The following MAP3K10 variants were observed in gnomAD, a reference collection of about 807,000 sequenced individuals.
MAP3K10 encodes mitogen-activated protein kinase kinase kinase 10.
Under a neutral mutation model 75.0 loss-of-function variants are expected in MAP3K10, and 22 were observed. That is an observed-to-expected ratio of 0.29 (90% CI 0.21 to 0.42). MAP3K10 has a LOEUF of 0.42. MAP3K10 is among the 10% of genes least tolerant of loss of function. The pLI, the probability that MAP3K10 is intolerant of heterozygous loss-of-function variation, is 1.00. For synonymous variants in MAP3K10, 599 were observed against 612.9 expected (o/e 0.98, Z 0.34); for missense variants, 1,165 against 1,379.8 (o/e 0.84, Z 2.47).
chr19:40,207,443 AT>A (rs772170133), intron 5 of MAP3K10, among the ~76,000 whole-genome samples: 1 of 152,060 alleles, frequency 6.6e-6, no homozygotes. Context: ...CAATTTTAAT[AT>A]TTTTTATTAG....
At chr19:40,197,270 A>G (rs1568487379) in intron 1 of MAP3K10, among the ~76,000 whole-genome samples, 2 of 152,154 alleles carry the variant, frequency 1.3e-5, no homozygotes, top group African/African-American at 4.8e-5. Context: ...ATTCTTAGCC[A>G]AAGCAAGTCA....
Position 40,213,077 on chromosome 19 carries a change from C to A in MAP3K10, c.1726C>A (p.Leu576Met), listed in dbSNP as rs1258613362. The A allele has an allele frequency of 3.2e-5, 52 of 1,605,954 alleles. No homozygotes were observed. Among genetic ancestry groups the A allele is most frequent in the Non-Finnish European group, 4.3e-5 (51 of 1,176,834 alleles). Residue 576 changes from leucine (L) to methionine (M), a missense_variant and splice_region_variant, in exon 8 of 10, where the codon CTG (leucine) becomes ATG (methionine). Coordinates refer to ENST00000253055, the MANE Select transcript of MAP3K10 (RefSeq NM_002446.4). This position sits in a 1 kb window ranked among gnomAD's most constrained non-coding sequence, Gnocchi z 5.7. ...TCCATCTCTCCCTGGACCCCGCAGG[C>A]TGAAGGGGCTGGGGGAAGGAAGCAA... ...QKERVGGEER[L>M]KGLGEGSKQW...
Position 40,204,763 on chromosome 19 carries a change from C to A in MAP3K10, c.1012+130C>A. The A allele has an allele frequency of 8.6e-7, 1 of 1,160,786 alleles. No homozygotes were observed. 71.9% of individuals were successfully genotyped at this position (1,160,786 alleles called of 1,614,324 possible). A position where few individuals can be genotyped will look rare whatever the true frequency, so the allele number is the denominator to read the frequency against. ...GTGAGGAAGAAGGGGCTGGAACCCA[C>A]TGGACTCTAAACAGCCTCCCCATGG... On this transcript the variant is annotated intron_variant, in intron 3 of 9. Coordinates refer to ENST00000253055, the MANE Select transcript of MAP3K10 (RefSeq NM_002446.4). This position sits in a 1 kb window ranked among gnomAD's most constrained non-coding sequence, Gnocchi z 4.3.
Position 40,205,371 on chromosome 19 carries a change from C to T in MAP3K10, c.1188+75C>T. The T allele has an allele frequency of 2.7e-6, 4 of 1,504,588 alleles. No homozygotes were observed. The highest frequency in any genetic ancestry group is 3.7e-6 in the Non-Finnish European group (4 of 1,094,744). 93.2% of individuals were successfully genotyped at this position (1,504,588 alleles called of 1,614,324 possible). On this transcript the variant is annotated intron_variant, in intron 4 of 9. Transcript: ENST00000253055. The surrounding 1 kb of genome is among the most constrained non-coding windows in gnomAD (Gnocchi z 4.3). ...TGATGCCTTGGGCTGCTCAGAGACT[C>T]CTCCCCTGAACCCCAGCCTTTGGGT...
At chr19:40,214,659 A>G (rs1337666237) in intron 9 of MAP3K10, among the ~76,000 whole-genome samples, 5 of 152,146 alleles carry the variant, frequency 3.3e-5, no homozygotes, top group Non-Finnish European at 7.4e-5. Flanking sequence ...GAGCTAAGCC[A>G]TGCCTGAGCT....
In MAP3K10 at chr19:40,198,836, G is replaced by A. The variant is rs12985458; in HGVS notation, c.863+281G>A. On this transcript the variant is annotated intron_variant, in intron 2 of 9. Coordinates refer to ENST00000253055, the MANE Select transcript of MAP3K10 (RefSeq NM_002446.4). The surrounding 1 kb of genome is among the most constrained non-coding windows in gnomAD (Gnocchi z 4.3). Reference sequence around the variant, plus strand: ...TAATCCCAGCACTTTGGGAGGCCGAGGTGGGCGGATCACTTGAGGTCAGGA... The same window carrying A: ...TAATCCCAGCACTTTGGGAGGCCGAAGTGGGCGGATCACTTGAGGTCAGGA... Among the ~76,000 whole-genome samples, 2 of 152,272 alleles carry A rather than the reference G, an allele frequency of 1.3e-5. No individual in the cohort carries two copies. The highest frequency in any genetic ancestry group is 4.8e-5 in the African/African-American group (2 of 41,478).
In MAP3K10 at chr19:40,212,887, G is replaced by A; in HGVS notation, c.1635G>A (p.Lys545=). 1 of 1,613,268 alleles carries A rather than the reference G, an allele frequency of 6.2e-7. No homozygotes were observed. The highest frequency in any genetic ancestry group is 1.3e-5 in the African/African-American group (1 of 75,014). The stretch of plus-strand genomic sequence containing the variant: ...CATGGAGCCGCGGTGGGCCCCCAAA[G>A]AAGGAAGAACTGGTCGGGGGCAAGA... The part of the protein sequence containing the change: ...SGTWSRGGPP[K]KEELVGGKKK... Residue 545 remains lysine, a synonymous_variant, in exon 7 of 10, where the codon AAG becomes AAA. Transcript: ENST00000253055. This position sits in a 1 kb window ranked among gnomAD's most constrained non-coding sequence, Gnocchi z 4.2.
Position 40,211,206 on chromosome 19 carries a change from T to C in MAP3K10, c.1553-1599T>C, listed in dbSNP as rs115317892. On this transcript the variant is annotated intron_variant, in intron 6 of 9. Coordinates refer to ENST00000253055, the MANE Select transcript of MAP3K10 (RefSeq NM_002446.4). ...AGCATGGGCTGCTTGTTAACCTGTT[T>C]GGCTGGAGCAGAGTGAATGGGAGGA... Among the ~76,000 whole-genome samples, 371 of 152,076 alleles carry C rather than the reference T, an allele frequency of 2.4e-3. 1 individual carries two copies. Among genetic ancestry groups the C allele is most frequent in the African/African-American group, 8.1e-3 (336 of 41,486 alleles).
At chr19:40,208,345 C>CTTTCTTTTTTTTTTTTTTTT (rs1555756622) in intron 5 of MAP3K10, among the ~76,000 whole-genome samples, 2 of 55,904 alleles carry the variant, frequency 3.6e-5, no homozygotes, top group Non-Finnish European at 6.7e-5. Context: ...CTCTTTCTTT[C>CTTTCTTTTTTTTTTTTTTTT]TTTTTTTTTT....
In MAP3K10 at chr19:40,212,484, C is replaced by G. The variant is rs1489394732; in HGVS notation, c.1553-321C>G. On this transcript the variant is annotated intron_variant, in intron 6 of 9. Coordinates refer to ENST00000253055, the MANE Select transcript of MAP3K10 (RefSeq NM_002446.4). The surrounding 1 kb of genome is among the most constrained non-coding windows in gnomAD (Gnocchi z 4.2). Reference sequence around the variant, plus strand: ...AGGCAGCTGACCCCCAGGGAACTAACTACCCAGAGCTGGAGACCAGAAGCG... The same window carrying G: ...AGGCAGCTGACCCCCAGGGAACTAAGTACCCAGAGCTGGAGACCAGAAGCG... 6.6e-6 allele frequency among the ~76,000 whole-genome samples: 1 copy of G among 152,212 alleles called. No individual in the cohort carries two copies. The highest frequency in any genetic ancestry group is 1.5e-5 in the Non-Finnish European group (1 of 68,038).
At position 40,205,874 on chromosome 19, in the gene MAP3K10, T is replaced by C. The variant is rs550637548; in HGVS notation, c.1189-37T>C. 6.7e-7 allele frequency: 1 copy of C among 1,489,152 alleles called. No individual in the cohort carries two copies. Among genetic ancestry groups the C allele is most frequent in the Admixed American group, 2.3e-5 (1 of 43,538 alleles). The allele number at this position is 1,489,152 out of a possible 1,614,324, so 92.2% of individuals were successfully genotyped here. A position where few individuals can be genotyped will look rare whatever the true frequency, so the allele number is the denominator to read the frequency against. Reference sequence around the variant, plus strand: ...GTCCCTCCCCAGGAAGCAGAGCAGCTAAGCCCCTCCCCCCAGCCACCGCCT... The same window carrying C: ...GTCCCTCCCCAGGAAGCAGAGCAGCCAAGCCCCTCCCCCCAGCCACCGCCT... On this transcript the variant is annotated intron_variant, in intron 4 of 9. Coordinates refer to ENST00000253055, the MANE Select transcript of MAP3K10 (RefSeq NM_002446.4). This position sits in a 1 kb window ranked among gnomAD's most constrained non-coding sequence, Gnocchi z 4.3.
chr19:40,194,571 A>G (rs1320975677), intron 1 of MAP3K10, among the ~76,000 whole-genome samples: 1 of 152,178 alleles, frequency 6.6e-6, no homozygotes, highest in African/African-American at 2.4e-5. Flanking sequence ...AGCCAGTGCT[A>G]TCTGGTCAAA....
At position 40,198,455 on chromosome 19, in the gene MAP3K10, T is replaced by A; in HGVS notation, c.763T>A (p.Trp255Arg). ...KITDFGLARE[W>R]HKTTKMSAAG... Reference sequence around the variant, plus strand: ...CACGGACTTCGGCCTCGCCCGCGAGTGGCACAAGACCACCAAGATGAGCGC... The same window carrying A: ...CACGGACTTCGGCCTCGCCCGCGAGAGGCACAAGACCACCAAGATGAGCGC... The change falls in exon 2 of 10, where the codon TGG becomes AGG. Residue 255 changes from tryptophan to arginine, a missense_variant. By Grantham distance (101) the Trp-to-Arg change is moderately radical (BLOSUM62 -3). Transcript: ENST00000253055. The surrounding 1 kb of genome is among the most constrained non-coding windows in gnomAD (Gnocchi z 4.3). 6.2e-7 allele frequency: 1 copy of A among 1,613,838 alleles called. No individual in the cohort carries two copies. The highest frequency in any genetic ancestry group is 8.5e-7 in the Non-Finnish European group (1 of 1,179,958).
Position 40,209,324 on chromosome 19 carries a change from G to A in MAP3K10, c.1552+105G>A, listed in dbSNP as rs1443658533. 4 of 749,502 alleles carry A rather than the reference G, an allele frequency of 5.3e-6. No individual in the cohort carries two copies. The Admixed American group carries it at 7.2e-5, about 13-fold the overall frequency. 46.4% of individuals were successfully genotyped at this position (749,502 alleles called of 1,614,324 possible). On this transcript the variant is annotated intron_variant, in intron 6 of 9. Coordinates refer to ENST00000253055, the MANE Select transcript of MAP3K10 (RefSeq NM_002446.4). ...AAGCCAGAGTAACAGCAAGAAAGAA[G>A]ACAGACAAGGCCCTTTTCCTCATTC...
Position 40,205,375 on chromosome 19 carries a change from C to G in MAP3K10, c.1188+79C>G. 2 of 1,473,250 alleles carry G rather than the reference C, an allele frequency of 1.4e-6. No homozygotes were observed. The highest frequency in any genetic ancestry group is 1.9e-6 in the Non-Finnish European group (2 of 1,070,564). 91.3% of individuals were successfully genotyped at this position (1,473,250 alleles called of 1,614,324 possible). ...GCCTTGGGCTGCTCAGAGACTCCTC[C>G]CCTGAACCCCAGCCTTTGGGTCCAT... On this transcript the variant is annotated intron_variant, in intron 4 of 9. Coordinates refer to ENST00000253055, the MANE Select transcript of MAP3K10 (RefSeq NM_002446.4). The surrounding 1 kb of genome is among the most constrained non-coding windows in gnomAD (Gnocchi z 4.3).
At position 40,206,107 on chromosome 19, in the gene MAP3K10, G is replaced by C. The variant is rs2145086624; in HGVS notation, c.1385G>C (p.Ser462Thr). The C allele has an allele frequency of 6.2e-7, 1 of 1,612,628 alleles. No homozygotes were observed. Among genetic ancestry groups the C allele is most frequent in the Non-Finnish European group, 8.5e-7 (1 of 1,179,322 alleles). The change falls in exon 5 of 10, where the codon AGC becomes ACC. Residue 462 changes from serine (S) to threonine (T), a missense_variant. Transcript: ENST00000253055. ...VRKRKGNFKR[S>T]RLLKLREGGS... ...AAGCGCAAGGGCAACTTCAAGCGCA[G>C]CCGCCTGCTCAAGCTGCGGGAAGGC...
intron 2 of MAP3K10, among the ~76,000 whole-genome samples, chr19:40,203,508 A>G (rs1022152899): frequency 1.3e-5 from 2 of 152,212 alleles, no homozygotes; most frequent in Non-Finnish European, 2.9e-5. Context: ...CTCTGGTACC[A>G]TGGAGCCACT....
At chr19:40,201,781 C>T (rs1369392886) in intron 2 of MAP3K10, among the ~76,000 whole-genome samples, 1 of 149,912 alleles carries the variant, frequency 6.7e-6, no homozygotes, top group Non-Finnish European at 1.5e-5. Flanking sequence ...CTGTGCCTAG[C>T]TCCACACGCC....
intron 6 of MAP3K10, among the ~76,000 whole-genome samples, chr19:40,211,527 C>T (rs189270700): frequency 1.3e-5 from 2 of 151,396 alleles, no homozygotes; most frequent in Non-Finnish European, 2.9e-5. Context: ...TTCTCCCTCC[C>T]CCACCCTACC....
Sources: allele counts gnomAD v4.1 joint callset (sites outside exome capture counted in the v4.1 genomes callset), GRCh38; gene constraint gnomAD v4.1.1; non-coding constraint Gnocchi (gnomAD v3.1); transcripts MANE v1.5; gene names NCBI Gene and HGNC (gene_info 2026-07-23, HGNC 2026-07-21).